Variants in FAM91A1 observed in about 807,000 individuals in gnomAD.
FAM91A1 encodes the protein family with sequence similarity 91 member A1.
FAM91A1 carries 41 observed loss-of-function variants against 113.5 expected under a neutral mutation model. The ratio of observed to expected loss-of-function variants is 0.36; its 90% CI spans 0.28 to 0.47. FAM91A1 has a LOEUF of 0.47. Ranked by LOEUF, FAM91A1 falls within the 20% of genes least tolerant of loss-of-function variation. The pLI is 1.00. For missense variants in FAM91A1, 696 were observed against 1,001.2 expected (o/e 0.70, Z 4.11); for synonymous variants, 307 against 347.9 (o/e 0.88, Z 1.31).
At chr8:123,789,508 A>T in intron 14 of FAM91A1, 105 bp from the exon 15 acceptor site, 2 of 1,534,360 alleles carry the variant, frequency 1.3e-6, no homozygotes, top group Non-Finnish European at 1.8e-6. Context: ...CAAATTTTTG[A>T]TTTACTACTT....
intron 3 of FAM91A1, 61 bp downstream of exon 3, chr8:123,775,359 T>C: frequency 6.4e-7 from 1 of 1,563,190 alleles, no homozygotes; most frequent in Admixed American, 1.8e-5. Context: ...CTGGGACTTT[T>C]TGCAGATGTT....
At chr8:123,789,112 G>T (rs1026543586) in intron 14 of FAM91A1, among the ~76,000 whole-genome samples, 2 of 152,130 alleles carry the variant, frequency 1.3e-5, no homozygotes, top group Non-Finnish European at 2.9e-5. Context: ...TCCTAGGGAG[G>T]TCATAGTCCA....
At chr8:123,798,742 A>G (rs928114302) in intron 16 of FAM91A1, among the ~76,000 whole-genome samples, 4 of 152,162 alleles carry the variant, frequency 2.6e-5, no homozygotes, top group Non-Finnish European at 4.4e-5. Flanking sequence ...GGCCTGTGCC[A>G]TTTTCAGAGT....
At chr8:123,793,427 G>A (rs554421802) in intron 15 of FAM91A1, among the ~76,000 whole-genome samples, 170 of 152,282 alleles carry the variant, frequency 1.1e-3, no homozygotes, top group Non-Finnish European at 1.9e-3. Flanking sequence ...TTTAGCAGTT[G>A]TGACCAGGCA....
At chr8:123,779,139 C>T (rs1314131226) in intron 6 of FAM91A1, among the ~76,000 whole-genome samples, 1 of 152,178 alleles carries the variant, frequency 6.6e-6, no homozygotes, top group Non-Finnish European at 1.5e-5. Flanking sequence ...TATTGTCTTA[C>T]TTAATTCTCA....
chr8:123,774,742 GC>G (rs1304381375), intron 2 of FAM91A1, among the ~76,000 whole-genome samples: 2 of 151,998 alleles, frequency 1.3e-5, no homozygotes, highest in Non-Finnish European at 2.9e-5. Flanking sequence ...AAGTCAGAGG[GC>G]TTTTTACATT....
At chr8:123,783,624 C>A (rs548284192) in intron 8 of FAM91A1, among the ~76,000 whole-genome samples, 1 of 152,236 alleles carries the variant, frequency 6.6e-6, no homozygotes, top group South Asian at 2.1e-4. Context: ...GGCCAGGGGA[C>A]ATAAAGATAC....
At chr8:123,795,738 A>G (rs1168244281) in intron 15 of FAM91A1, among the ~76,000 whole-genome samples, 1 of 152,206 alleles carries the variant, frequency 6.6e-6, no homozygotes, top group African/African-American at 2.4e-5. Flanking sequence ...AATGCATGCG[A>G]AAGTGTCCTA....
Position 123,810,301 on chromosome 8 carries a change from T to G in FAM91A1, c.2281T>G (p.Ser761Ala). 1 of 1,611,460 alleles carries G rather than the reference T, an allele frequency of 6.2e-7. No homozygotes were observed. The highest frequency in any genetic ancestry group is 8.5e-7 in the Non-Finnish European group (1 of 1,179,270). Residue 761 changes from serine to alanine, a missense_variant, in exon 23 of 24, where the codon TCC becomes GCC. Physicochemically the swap from Ser to Ala is moderately conservative, Grantham distance 99. Transcript: ENST00000334705. ...RKESLQNLLHSSRKLSLQVLN... is the reference protein window; with the variant it reads ...RKESLQNLLHASRKLSLQVLN... ...TTTCAGCCTTCAAAACCTCTTACAT[T>G]CCAGTAGAAAACTCTCTCTGCAAGT...
chr8:123,771,670 T>A (rs1362704422), intron 1 of FAM91A1, among the ~76,000 whole-genome samples: 3 of 152,190 alleles, frequency 2.0e-5, no homozygotes, highest in Non-Finnish European at 2.9e-5. Flanking sequence ...GCCCTTTTAT[T>A]TTGAGGGAAA....
intron 19 of FAM91A1, 97 bp from the exon 20 acceptor site, chr8:123,805,983 A>G: frequency 1.7e-6 from 2 of 1,201,200 alleles, no homozygotes; most frequent in Non-Finnish European, 2.2e-6. Flanking sequence ...TTAAAGTATA[A>G]AAGTAGTTCT....
chr8:123,773,538 G>A (rs561629623), intron 1 of FAM91A1, among the ~76,000 whole-genome samples: 1 of 152,194 alleles, frequency 6.6e-6, no homozygotes, highest in Non-Finnish European at 1.5e-5. Flanking sequence ...TTGTCTAAAT[G>A]CCTTCTAATG....
At chr8:123,795,188 T>C (rs1022834174) in intron 15 of FAM91A1, among the ~76,000 whole-genome samples, 1 of 152,182 alleles carries the variant, frequency 6.6e-6, no homozygotes, top group African/African-American at 2.4e-5. Context: ...GAGGTTTGGC[T>C]TAAAAAATGT....
chr8:123,773,074 C>T (rs1462518295), intron 1 of FAM91A1, among the ~76,000 whole-genome samples: 3 of 152,102 alleles, frequency 2.0e-5, no homozygotes, highest in Non-Finnish European at 4.4e-5. Context: ...TGTCCAAGGG[C>T]CAACCGCACA....
intron 22 of FAM91A1, among the ~76,000 whole-genome samples, chr8:123,809,637 G>A (rs1815901620): frequency 6.6e-6 from 1 of 152,210 alleles, no homozygotes; most frequent in South Asian, 2.1e-4. Flanking sequence ...GTGGCTTGGA[G>A]AGGTGAAATC....
At chr8:123,785,232 C>T (rs529558486) in intron 10 of FAM91A1, 113 bp downstream of exon 10, 3 of 929,082 alleles carry the variant, frequency 3.2e-6, no homozygotes, top group East Asian at 2.6e-5. Flanking sequence ...TTGTTGTTAG[C>T]TGTCTGAGAG....
chr8:123,803,406 G>A (rs1815734294), intron 18 of FAM91A1, among the ~76,000 whole-genome samples: 1 of 152,066 alleles, frequency 6.6e-6, no homozygotes. Context: ...CTTCCCCTGG[G>A]CACAAGAGAT....
At chr8:123,774,593 T>TA (rs954861097) in intron 2 of FAM91A1, among the ~76,000 whole-genome samples, 4 of 151,514 alleles carry the variant, frequency 2.6e-5, no homozygotes, top group African/African-American at 7.3e-5. Context: ...TTCTTCTTTC[T>TA]AAAAAAAAAT....
chr8:123,810,429 G>A, intron 23 of FAM91A1, 78 bp downstream of exon 23: 1 of 1,213,406 alleles, frequency 8.2e-7, no homozygotes, highest in South Asian at 1.2e-5. Context: ...TTGTTTTTGA[G>A]TCACCACAGC....
Sources: allele counts gnomAD v4.1 joint callset (sites outside exome capture counted in the v4.1 genomes callset), GRCh38; gene constraint gnomAD v4.1.1; transcripts MANE v1.5; gene names NCBI Gene and HGNC (gene_info 2026-07-23, HGNC 2026-07-21).